KCNG2: variants seen among roughly 807,000 people sequenced by gnomAD.
The protein encoded by KCNG2 is voltage-gated potassium channel regulatory subunit KCNG2.
In KCNG2, 7 loss-of-function variants were observed where a neutral mutation model predicts 12.3. The observed-to-expected ratio is 0.57, with a 90% CI of 0.32 to 1.07. The LOEUF is 1.07. KCNG2 is among the 50% of genes least tolerant of loss of function. The probability of loss-of-function intolerance (pLI) is 0.04; values close to 1 mark genes in which losing one functional copy is unlikely to be tolerated. For synonymous variants in KCNG2, 414 were observed against 351.4 expected, an observed-to-expected ratio of 1.18 and a Z score of -1.99; for missense variants, 703 against 726.0, an observed-to-expected ratio of 0.97 and a Z score of 0.36.
intron 3 of KCNG2, among the ~76,000 whole-genome samples, chr18:79,876,858 C>G (rs1327206647): frequency 1.3e-5 from 2 of 152,222 alleles, no homozygotes; most frequent in Non-Finnish European, 2.9e-5. Context: ...TCAGAATGTG[C>G]TGGGGTCAGG....
chr18:79,874,850 G>A (rs1205116006), intron 3 of KCNG2, among the ~76,000 whole-genome samples: 1 of 152,186 alleles, frequency 6.6e-6, no homozygotes, highest in African/African-American at 2.4e-5. Flanking sequence ...GTTGGCCAGC[G>A]CAGGCCGGGA....
At chr18:79,814,846 G>A (rs1434824337) in intron 1 of KCNG2, among the ~76,000 whole-genome samples, 2 of 151,860 alleles carry the variant, frequency 1.3e-5, no homozygotes, top group African/African-American at 4.8e-5. Flanking sequence ...GTAGTTACCT[G>A]TGGGGAGCGG....
intron 3 of KCNG2, among the ~76,000 whole-genome samples, chr18:79,880,649 A>C (rs746095739): frequency 7.2e-5 from 11 of 152,232 alleles, no homozygotes; most frequent in Non-Finnish European, 1.3e-4. Context: ...TGACAAGAAA[A>C]GTAAAAACAA....
chr18:79,858,072 C>G, intron 2 of KCNG2, among the ~76,000 whole-genome samples: 1 of 152,206 alleles, frequency 6.6e-6, no homozygotes, highest in Non-Finnish European at 1.5e-5. Context: ...GTGATCTTGT[C>G]TCACTGCAAC....
chr18:79,844,163 A>G (rs1021685784), intron 1 of KCNG2, among the ~76,000 whole-genome samples: 2 of 152,174 alleles, frequency 1.3e-5, no homozygotes, highest in African/African-American at 4.8e-5. Context: ...AAATCCACCT[A>G]AGTGCCCATT....
chr18:79,860,551 G>A (rs1461290161), intron 2 of KCNG2, among the ~76,000 whole-genome samples: 1 of 152,070 alleles, frequency 6.6e-6, no homozygotes, highest in Admixed American at 6.5e-5. Flanking sequence ...TCTTATAAAT[G>A]GAATTTTTTT....
intron 3 of KCNG2, among the ~76,000 whole-genome samples, chr18:79,877,496 G>A (rs998648251): frequency 2.6e-5 from 4 of 152,160 alleles, no homozygotes; most frequent in Non-Finnish European, 5.9e-5. Context: ...GAGCTGCGGG[G>A]TCCCTGCATG....
At chr18:79,843,320 A>G (rs1161921753) in intron 1 of KCNG2, among the ~76,000 whole-genome samples, 1 of 152,236 alleles carries the variant, frequency 6.6e-6, no homozygotes, top group Non-Finnish European at 1.5e-5. Flanking sequence ...GGAGTTTATC[A>G]CCACTAAATC....
At chr18:79,863,293 G>A (rs1979290184) in intron 2 of KCNG2, among the ~76,000 whole-genome samples, 2 of 152,234 alleles carry the variant, frequency 1.3e-5, no homozygotes, top group Non-Finnish European at 1.5e-5. Context: ...GGTGGGGTCC[G>A]CCCTGAAACA....
intron 1 of KCNG2, among the ~76,000 whole-genome samples, chr18:79,854,974 A>T (rs1978960124): frequency 6.6e-6 from 1 of 151,900 alleles, no homozygotes; most frequent in Non-Finnish European, 1.5e-5. Flanking sequence ...TTGTCTACCG[A>T]CTGTACTTTT....
At chr18:79,888,577 A>C (rs550928349) in intron 3 of KCNG2, among the ~76,000 whole-genome samples, 3 of 152,120 alleles carry the variant, frequency 2.0e-5, no homozygotes, top group African/African-American at 7.2e-5. Context: ...CCTCCTCCTG[A>C]AGCCGCTGTG....
At chr18:79,820,107 T>C (rs1195759646) in intron 1 of KCNG2, among the ~76,000 whole-genome samples, 1 of 152,224 alleles carries the variant, frequency 6.6e-6, no homozygotes, top group Non-Finnish European at 1.5e-5. Flanking sequence ...TACCCCACAC[T>C]GTGTGCGTCC....
chr18:79,822,998 C>T lies in KCNG2; in HGVS notation c.-115+24984C>T, dbSNP rs751694364. Among the ~76,000 whole-genome samples, 5 of 152,128 alleles carry T rather than the reference C, an allele frequency of 3.3e-5. No individual in the cohort carries two copies. Among genetic ancestry groups the T allele is most frequent in the Non-Finnish European group, 7.4e-5 (5 of 68,022 alleles). On this transcript the variant is annotated intron_variant, in intron 1 of 3. Transcript: ENST00000316249. The surrounding 1 kb of genome is among the most constrained non-coding windows in gnomAD (Gnocchi z 4.4). ...TTTAGGAGTCACTGCCTCTGGAAGG[C>T]CCTTCCCACCTCCCTCCATGGGGAG... is the stretch of plus-strand genomic sequence containing the variant.
intron 1 of KCNG2, among the ~76,000 whole-genome samples, chr18:79,818,596 G>A (rs1043370829): frequency 2.6e-5 from 4 of 152,198 alleles, no homozygotes; most frequent in Non-Finnish European, 5.9e-5. Flanking sequence ...CCCATCAGTC[G>A]GGTCACCATG....
intron 2 of KCNG2, among the ~76,000 whole-genome samples, chr18:79,858,726 C>A (rs192945000): frequency 6.6e-6 from 1 of 151,952 alleles, no homozygotes; most frequent in African/African-American, 2.4e-5. Flanking sequence ...CTTTCCAACA[C>A]TTGTTGGGTT....
intron 1 of KCNG2, among the ~76,000 whole-genome samples, chr18:79,811,722 T>C (rs2087495375): frequency 6.6e-6 from 1 of 152,246 alleles, no homozygotes; most frequent in African/African-American, 2.4e-5. Flanking sequence ...ACCAATCATG[T>C]ATTTTCCTGA....
chr18:79,892,661 G>A (rs11660117), intron 3 of KCNG2, among the ~76,000 whole-genome samples: 76,183 of 150,830 alleles, frequency 0.51, 20,345 homozygotes, highest in Non-Finnish European at 0.6. Flanking sequence ...GTTACGATTG[G>A]TATAGTTGGG....
At chr18:79,813,249 A>G (rs2087505755) in intron 1 of KCNG2, among the ~76,000 whole-genome samples, 1 of 152,266 alleles carries the variant, frequency 6.6e-6, no homozygotes. Flanking sequence ...ACAAAATATT[A>G]GGAAATTGAA....
Position 79,863,611 on chromosome 18 carries a change from G to C in KCNG2, c.-40-17G>C, listed in dbSNP as rs62103176. 658,785 of 1,185,882 alleles carry C rather than the reference G, an allele frequency of 0.56. 189,514 individuals carry two copies. Among genetic ancestry groups the C allele is most frequent in the Non-Finnish European group, 0.59 (563,521 of 956,762 alleles). The allele number at this position is 1,185,882 out of a possible 1,614,324, so 73.5% of individuals were successfully genotyped here. On this transcript the variant is annotated splice_polypyrimidine_tract_variant and intron_variant, in intron 2 of 3. Coordinates refer to ENST00000316249, the MANE Select transcript of KCNG2 (RefSeq NM_012283.2). Reference sequence around the variant, plus strand: ...GCTCAGCCCTCGCGACCCTAACGCGGTCCGTTCCTTTTGCAGGAGCCGGGC... The same window carrying C: ...GCTCAGCCCTCGCGACCCTAACGCGCTCCGTTCCTTTTGCAGGAGCCGGGC...
Sources: allele counts gnomAD v4.1 joint callset (sites outside exome capture counted in the v4.1 genomes callset), GRCh38; gene constraint gnomAD v4.1.1; non-coding constraint Gnocchi (gnomAD v3.1); transcripts MANE v1.5; gene names NCBI Gene and HGNC (gene_info 2026-07-23, HGNC 2026-07-21).